Variants in SENP2 observed in about 807,000 individuals in gnomAD.
SENP2 encodes the protein SUMO specific peptidase 2.
Under a neutral mutation model 86.3 loss-of-function variants are expected in SENP2, and 16 were observed. That is an observed-to-expected ratio of 0.19 (90% CI 0.13 to 0.28). The LOEUF (loss-of-function observed/expected upper bound fraction) is 0.28, where lower values mean the gene tolerates loss of function less well. SENP2 is among the 10% of genes least tolerant of loss of function. SENP2 has a pLI of 1.00. For missense variants in SENP2, 552 were observed against 703.0 expected, an observed-to-expected ratio of 0.79 and a Z score of 2.43; for synonymous variants, 222 against 238.7, an observed-to-expected ratio of 0.93 and a Z score of 0.64.
chr3:185,593,347 T>G (rs948149398), intron 2 of SENP2, among the ~76,000 whole-genome samples: 1 of 152,074 alleles, frequency 6.6e-6, no homozygotes, highest in Non-Finnish European at 1.5e-5. Context: ...TGGGCTTAAT[T>G]AAGTGATCCT....
At chr3:185,596,210 C>T (rs1211362611) in intron 2 of SENP2, among the ~76,000 whole-genome samples, 1 of 152,048 alleles carries the variant, frequency 6.6e-6, no homozygotes, top group Admixed American at 6.6e-5. Flanking sequence ...GTGATCTGCC[C>T]GCCTTTGCCT....
At position 185,598,472 on chromosome 3, in the gene SENP2, C is replaced by T; in HGVS notation, c.218C>T (p.Pro73Leu). 3 of 1,614,072 alleles carry T rather than the reference C, an allele frequency of 1.9e-6. No individual in the cohort carries two copies. Among genetic ancestry groups the T allele is most frequent in the Non-Finnish European group, 2.5e-6 (3 of 1,179,992 alleles). The change falls in exon 3 of 17, where the codon CCA becomes CTA. Residue 73 changes from proline to leucine, a missense_variant. Physicochemically the swap from Pro to Leu is moderately conservative, Grantham distance 98. Around this residue, in one of 2 missense-constraint regions of SENP2, gnomAD observed 383 missense variants for 427.3 expected, o/e 0.90. Coordinates refer to ENST00000296257, the MANE Select transcript of SENP2 (RefSeq NM_021627.3). ...AATGCTGCCAGCTTATTTGGATTCC[C>T]ATTCCAGCTGACCACAAAGCCCATG... Reference protein sequence around the residue: ...LYNAASLFGFPFQLTTKPMVT... With the variant: ...LYNAASLFGFLFQLTTKPMVT...
intron 2 of SENP2, among the ~76,000 whole-genome samples, chr3:185,595,170 CAG>C (rs1187516878): frequency 1.2e-4 from 18 of 152,106 alleles, no homozygotes; most frequent in African/African-American, 4.1e-4. Context: ...GACATAATCT[CAG>C]GGGCATACCG....
chr3:185,623,980 C>A lies in SENP2; in HGVS notation c.1527-18C>A. On this transcript the variant is annotated intron_variant, in intron 14 of 16. Transcript: ENST00000296257. ...TTAGGGATTTATTGATGTATTCCTTCTTTGTTTTGCTTTTTAGTCAGTATT... is the reference window on the plus strand; with the variant it reads ...TTAGGGATTTATTGATGTATTCCTTATTTGTTTTGCTTTTTAGTCAGTATT... The A allele has an allele frequency of 6.7e-7, 1 of 1,488,760 alleles. No homozygotes were observed. The highest frequency in any genetic ancestry group is 9.3e-7 in the Non-Finnish European group (1 of 1,072,508). The allele number at this position is 1,488,760 out of a possible 1,614,324, so 92.2% of individuals were successfully genotyped here.
At position 185,614,677 on chromosome 3, in the gene SENP2, G is replaced by A. The variant is rs1029300043; in HGVS notation, c.1047G>A (p.Lys349=). ...GGAAAGTGTCAATAATTGAGACAAA[G>A]GAAAAGAATTGCTCAGGCAAAGAGA... ...LRRKVSIIET[K]EKNCSGKERD... The change falls in exon 11 of 17, where the codon AAG becomes AAA. Residue 349 remains lysine, a synonymous_variant. Transcript: ENST00000296257. 3 of 1,614,190 alleles carry A rather than the reference G, an allele frequency of 1.9e-6. No individual in the cohort carries two copies. In the African/African-American group the frequency reaches 4.0e-5, roughly 22 times the overall value.
chr3:185,610,739 C>T (rs888594387), intron 7 of SENP2, among the ~76,000 whole-genome samples: 1 of 151,682 alleles, frequency 6.6e-6, no homozygotes, highest in East Asian at 2.0e-4. Flanking sequence ...GGACGGATCA[C>T]GAGGTCAGGA....
At chr3:185,591,400 G>A (rs564398477) in intron 2 of SENP2, among the ~76,000 whole-genome samples, 2 of 152,108 alleles carry the variant, frequency 1.3e-5, no homozygotes, top group South Asian at 2.1e-4. Flanking sequence ...CACCCAGGCT[G>A]GAGTGTAGTG....
At chr3:185,589,163 C>T (rs1039013388) in intron 1 of SENP2, among the ~76,000 whole-genome samples, 2 of 151,844 alleles carry the variant, frequency 1.3e-5, no homozygotes, top group Non-Finnish European at 2.9e-5. Flanking sequence ...GCATTCTTGA[C>T]ATCTGGGTCC....
At chr3:185,607,319 CTTTTTTTTTTTTTT>C (rs758884593) in intron 6 of SENP2, among the ~76,000 whole-genome samples, 1 of 66,008 alleles carries the variant, frequency 1.5e-5, no homozygotes, top group African/African-American at 5.8e-5. Flanking sequence ...AGATTAGATT[CTTTTTTTTTTTTTT>C]TTTTTTTTTT....
At chr3:185,618,179 G>A (rs1711694401) in intron 12 of SENP2, among the ~76,000 whole-genome samples, 1 of 152,180 alleles carries the variant, frequency 6.6e-6, no homozygotes, top group Non-Finnish European at 1.5e-5. Context: ...CTGGACCTCA[G>A]GTGATCCGCC....
At chr3:185,628,734 G>T (rs867548207) in intron 16 of SENP2, among the ~76,000 whole-genome samples, 2 of 152,178 alleles carry the variant, frequency 1.3e-5, no homozygotes, top group South Asian at 4.2e-4. Context: ...TCGAACTCCT[G>T]GCCTCAGGTG....
intron 11 of SENP2, among the ~76,000 whole-genome samples, chr3:185,616,189 G>A (rs529240655): frequency 1.4e-5 from 2 of 146,194 alleles, no homozygotes; most frequent in South Asian, 2.3e-4. Context: ...GTTTAAAGGC[G>A]AGAATGGGCG....
intron 13 of SENP2, among the ~76,000 whole-genome samples, chr3:185,621,219 T>A (rs1460963686): frequency 4.8e-4 from 31 of 64,658 alleles, no homozygotes; most frequent in Admixed American, 6.6e-4. Context: ...AAGATACAGA[T>A]ATAAAGAAAG....
chr3:185,626,235 C>A lies in SENP2; in HGVS notation c.1612-63C>A, dbSNP rs1712139112. 5.5e-6 allele frequency: 6 copies of A among 1,088,192 alleles called. No individual in the cohort carries two copies. In the East Asian group the frequency reaches 1.2e-4, roughly 22 times the overall value. The allele number at this position is 1,088,192 out of a possible 1,614,324, so 67.4% of individuals were successfully genotyped here. A position where few individuals can be genotyped will look rare whatever the true frequency, so the allele number is the denominator to read the frequency against. On this transcript the variant is annotated intron_variant, in intron 15 of 16. Transcript: ENST00000296257. The stretch of plus-strand genomic sequence containing the variant: ...TTTACAGCAATATTTAGAAAAAGTC[C>A]AAGGAATTTGTATTTAATGATGTTT...
intron 5 of SENP2, among the ~76,000 whole-genome samples, chr3:185,605,596 T>C (rs909243566): frequency 2.0e-5 from 3 of 152,196 alleles, no homozygotes; most frequent in Non-Finnish European, 4.4e-5. Context: ...GCCCTTTCTT[T>C]GTGTTCATTG....
chr3:185,616,389 T>G (rs1711608092), intron 11 of SENP2, among the ~76,000 whole-genome samples: 1 of 149,182 alleles, frequency 6.7e-6, no homozygotes, highest in Non-Finnish European at 1.5e-5. Flanking sequence ...GAAAATTGCT[T>G]GAACCTGGGA....
At chr3:185,621,144 G>A (rs1428165220) in intron 13 of SENP2, among the ~76,000 whole-genome samples, 1 of 104,302 alleles carries the variant, frequency 9.6e-6, no homozygotes, top group Non-Finnish European at 1.8e-5. Flanking sequence ...GTCACAGAGT[G>A]AGATCTTGTC....
In SENP2 at chr3:185,606,380, A is replaced by G. The variant is rs760293712; in HGVS notation, c.500A>G (p.His167Arg). Residue 167 changes from histidine to arginine, a missense_variant, in exon 6 of 17, where the codon CAT becomes CGT. Coordinates refer to ENST00000296257, the MANE Select transcript of SENP2 (RefSeq NM_021627.3). The stretch of plus-strand genomic sequence containing the variant: ...AATAGAAGACCAGGTGGCCGTCGCC[A>G]TAGCAAAGGTAATCCAGAGAGTTCT... ...GCNRRPGGRR[H>R]SKGNPESSLM... 1.9e-6 allele frequency: 3 copies of G among 1,613,552 alleles called. No homozygotes were observed. In the South Asian group the frequency reaches 3.3e-5, roughly 18 times the overall value.
At chr3:185,625,378 T>C (rs13080101) in intron 15 of SENP2, among the ~76,000 whole-genome samples, 43,931 of 152,120 alleles carry the variant, frequency 0.29, 6,776 homozygotes, top group African/African-American at 0.39. Context: ...CCCAAAGTGC[T>C]GGGATTACAG....
Sources: allele counts gnomAD v4.1 joint callset (sites outside exome capture counted in the v4.1 genomes callset), GRCh38; gene constraint gnomAD v4.1.1; regional missense constraint gnomAD v4.1.1; transcripts MANE v1.5; gene names NCBI Gene and HGNC (gene_info 2026-07-23, HGNC 2026-07-21).